FAM53B: variants seen among roughly 807,000 people sequenced by gnomAD.
FAM53B encodes the protein protein FAM53B.
FAM53B carries 12 observed loss-of-function variants against 32.7 expected under a neutral mutation model. That is an observed-to-expected ratio of 0.37 (90% CI 0.24 to 0.59). The LOEUF is 0.59. FAM53B is among the 20% of genes least tolerant of loss of function. The pLI is 0.72. For synonymous variants in FAM53B, 234 were observed against 228.7 expected (o/e 1.02, Z -0.21); for missense variants, 477 against 577.7 (o/e 0.83, Z 1.79).
At chr10:124,737,418 C>A (rs11598804) in intron 1 of FAM53B, among the ~76,000 whole-genome samples, 20,405 of 152,136 alleles carry the variant, frequency 0.13, 1,558 homozygotes, top group African/African-American at 0.19. Flanking sequence ...TAGCATGTTT[C>A]ACTTGGCTAA....
chr10:124,630,905 G>A (rs1020734581), intron 4 of FAM53B, among the ~76,000 whole-genome samples: 5 of 152,210 alleles, frequency 3.3e-5, no homozygotes, highest in South Asian at 2.1e-4. Flanking sequence ...AGACTTTGGC[G>A]GCACTGTCTC....
chr10:124,667,627 G>A (rs1286911252), intron 4 of FAM53B, among the ~76,000 whole-genome samples: 1 of 152,176 alleles, frequency 6.6e-6, no homozygotes, highest in Non-Finnish European at 1.5e-5. Flanking sequence ...CGAGGCACCT[G>A]ACTCTCCCCA....
At chr10:124,625,036 C>T (rs556732452) in intron 4 of FAM53B, among the ~76,000 whole-genome samples, 2 of 152,354 alleles carry the variant, frequency 1.3e-5, no homozygotes, top group Middle Eastern at 3.4e-3. Flanking sequence ...CCGCCTCCCT[C>T]GCCGCACGCC....
chr10:124,706,623 G>A lies in FAM53B; in HGVS notation c.78+13C>T. On this transcript the variant is annotated intron_variant, in intron 2 of 4. Coordinates refer to ENST00000337318, the MANE Select transcript of FAM53B (RefSeq NM_014661.4). ...AATGGTCATGGAAAGCAGGAAGCCTGCCAGGTCCTCACCAGTTCACGGCTG... is the reference window on the plus strand; with the variant it reads ...AATGGTCATGGAAAGCAGGAAGCCTACCAGGTCCTCACCAGTTCACGGCTG... 3 of 1,614,168 alleles carry A rather than the reference G, an allele frequency of 1.9e-6. No homozygotes were observed. The highest frequency in any genetic ancestry group is 1.3e-5 in the African/African-American group (1 of 75,062).
At chr10:124,724,051 G>A (rs544005431) in intron 1 of FAM53B, among the ~76,000 whole-genome samples, 1 of 152,178 alleles carries the variant, frequency 6.6e-6, no homozygotes, top group Non-Finnish European at 1.5e-5. Flanking sequence ...CTAAGTTCAC[G>A]CAAACAGCAA....
intron 4 of FAM53B, chr10:124,667,441 G>A (rs1402555776): frequency 1.3e-6 from 1 of 763,922 alleles, no homozygotes; most frequent in Non-Finnish European, 2.4e-6. Context: ...AAATACAACA[G>A]GTGAGTTTCT....
chr10:124,679,368 G>A (rs1337487386), intron 4 of FAM53B, among the ~76,000 whole-genome samples: 1 of 152,180 alleles, frequency 6.6e-6, no homozygotes, highest in Non-Finnish European at 1.5e-5. Context: ...CCAGCAACAT[G>A]CCCAGCTCAT....
rs959534058 is a variant in FAM53B, at chr10:124,621,800, G to C, written c.*1442C>G. On this transcript the variant is annotated 3_prime_UTR_variant, in exon 5 of 5. Transcript: ENST00000337318. ...GACTACAAAAGTGCTTTGAACGCGC[G>C]TGTCAGCCAACACAAGGGAGCGCAC... 2 of 152,300 alleles carry C rather than the reference G, an allele frequency of 1.3e-5. No individual in the cohort carries two copies. Among genetic ancestry groups the C allele is most frequent in the Non-Finnish European group, 2.9e-5 (2 of 68,052 alleles). The allele number at this position is 152,300 out of a possible 1,614,324, so 9.4% of individuals were successfully genotyped here. A position where few individuals can be genotyped will look rare whatever the true frequency, so the allele number is the denominator to read the frequency against.
At chr10:124,639,482 C>T (rs996837885) in intron 4 of FAM53B, among the ~76,000 whole-genome samples, 3 of 152,266 alleles carry the variant, frequency 2.0e-5, no homozygotes, top group East Asian at 1.9e-4. Context: ...GCAGACCTCT[C>T]GAGGCAGCTG....
At chr10:124,657,056 A>G (rs541448526) in intron 4 of FAM53B, among the ~76,000 whole-genome samples, 1 of 78,612 alleles carries the variant, frequency 1.3e-5, no homozygotes, top group Non-Finnish European at 3.1e-5. Context: ...ATATATGTAT[A>G]TATGTATATA....
At chr10:124,677,795 G>A (rs1478128011) in intron 4 of FAM53B, among the ~76,000 whole-genome samples, 2 of 152,246 alleles carry the variant, frequency 1.3e-5, no homozygotes, top group Admixed American at 6.5e-5. Flanking sequence ...CTGTGCCCCA[G>A]GGACGTGGCT....
At chr10:124,703,378 C>T (rs1252143844) in intron 2 of FAM53B, among the ~76,000 whole-genome samples, 2 of 152,214 alleles carry the variant, frequency 1.3e-5, no homozygotes, top group Admixed American at 1.3e-4. Flanking sequence ...GCCTGCAGAA[C>T]CATAAGCCAA....
intron 4 of FAM53B, among the ~76,000 whole-genome samples, chr10:124,652,433 C>T (rs1949561976): frequency 2.0e-5 from 3 of 152,152 alleles, no homozygotes; most frequent in African/African-American, 7.2e-5. Flanking sequence ...GCTGTGGCCA[C>T]AGCCTTAGAG....
intron 1 of FAM53B, among the ~76,000 whole-genome samples, chr10:124,713,045 C>G (rs1165673221): frequency 6.6e-6 from 1 of 152,198 alleles, no homozygotes. Context: ...CCGTGGTCAG[C>G]AAGACGCCCC....
At chr10:124,677,845 C>A (rs1219601280) in intron 4 of FAM53B, among the ~76,000 whole-genome samples, 1 of 152,186 alleles carries the variant, frequency 6.6e-6, no homozygotes, top group Non-Finnish European at 1.5e-5. Flanking sequence ...CAGGATATTT[C>A]CACCCTAGTT....
At chr10:124,731,832 A>G (rs1227316779) in intron 1 of FAM53B, among the ~76,000 whole-genome samples, 1 of 152,102 alleles carries the variant, frequency 6.6e-6, no homozygotes, top group Non-Finnish European at 1.5e-5. Context: ...GGAGACGGGG[A>G]CCAGAGAGAT....
chr10:124,721,679 A>G (rs1216165570), intron 1 of FAM53B, among the ~76,000 whole-genome samples: 1 of 152,224 alleles, frequency 6.6e-6, no homozygotes, highest in Admixed American at 6.5e-5. Context: ...GCCTTTCACA[A>G]GGGGGAACAA....
At chr10:124,691,082 C>A (rs1025609170) in intron 3 of FAM53B, among the ~76,000 whole-genome samples, 13 of 152,232 alleles carry the variant, frequency 8.5e-5, no homozygotes, top group African/African-American at 2.9e-4. Context: ...AATGCGCAAT[C>A]ATTTTCCACT....
chr10:124,686,410 T>C (rs1371831105), intron 3 of FAM53B, among the ~76,000 whole-genome samples: 1 of 152,214 alleles, frequency 6.6e-6, no homozygotes, highest in Non-Finnish European at 1.5e-5. Context: ...TGAAGAGAAG[T>C]TGCAGCTTCC....
Sources: allele counts gnomAD v4.1 joint callset (sites outside exome capture counted in the v4.1 genomes callset), GRCh38; gene constraint gnomAD v4.1.1; transcripts MANE v1.5; gene names NCBI Gene and HGNC (gene_info 2026-07-23, HGNC 2026-07-21).